The following LY86 variants were observed in gnomAD, a reference collection of about 807,000 sequenced individuals.
LY86 encodes the protein lymphocyte antigen 86.
In LY86, 20 loss-of-function variants were observed where a neutral mutation model predicts 17.3. That is an observed-to-expected ratio of 1.15 (90% CI 0.81 to 1.68). The LOEUF (loss-of-function observed/expected upper bound fraction) is 1.68. LY86 is among the 40% of genes most tolerant of loss of function. LY86 has a pLI of 0.00. For missense variants in LY86, 200 were observed against 191.9 expected, an observed-to-expected ratio of 1.04 and a Z score of -0.25; for synonymous variants, 74 against 70.6, an observed-to-expected ratio of 1.05 and a Z score of -0.24.
intron 1 of LY86, among the ~76,000 whole-genome samples, chr6:6,613,246 A>C (rs916065080): frequency 3.3e-5 from 5 of 152,374 alleles, no homozygotes; most frequent in African/African-American, 1.2e-4. Flanking sequence ...CCGCAGGTGG[A>C]GCTGCCTGCC....
chr6:6,607,257 T>C (rs1038104013), intron 1 of LY86, among the ~76,000 whole-genome samples: 1 of 152,226 alleles, frequency 6.6e-6, no homozygotes, highest in Non-Finnish European at 1.5e-5. Flanking sequence ...AATGTGAATA[T>C]ACTGAAGACT....
Position 6,649,205 on chromosome 6 carries a change from G to A in LY86, c.353-420G>A, listed in dbSNP as rs530061377. Among the ~76,000 whole-genome samples, 18 of 152,282 alleles carry A rather than the reference G, an allele frequency of 1.2e-4. No individual in the cohort carries two copies. In the East Asian group the frequency reaches 3.5e-3, roughly 29 times the overall value. Reference sequence around the variant, plus strand: ...TTTATAAAACCATCAGATCTCATGCGACTTATTCACTATCGTGAGAACATC... The same window carrying A: ...TTTATAAAACCATCAGATCTCATGCAACTTATTCACTATCGTGAGAACATC... On this transcript the variant is annotated intron_variant, in intron 3 of 4. Transcript: ENST00000230568.
intron 1 of LY86, chr6:6,591,612 T>G (rs1356794044): frequency 6.5e-6 from 1 of 153,390 alleles, no homozygotes; most frequent in African/African-American, 2.4e-5. Context: ...TGCAGATGTG[T>G]AAACTGAGGG....
In LY86 at chr6:6,604,144, A is replaced by G. The variant is rs572110237; in HGVS notation, c.136+15274A>G. ...AAATATTAATTATCTCTATGGGGTCATATACCCTCAATTCACATTTCACTG... is the reference window on the plus strand; with the variant it reads ...AAATATTAATTATCTCTATGGGGTCGTATACCCTCAATTCACATTTCACTG... On this transcript the variant is annotated intron_variant, in intron 1 of 4. Transcript: ENST00000230568. 8.5e-5 allele frequency among the ~76,000 whole-genome samples: 13 copies of G among 152,324 alleles called. No individual in the cohort carries two copies. In the East Asian group the frequency reaches 2.5e-3, roughly 29 times the overall value.
chr6:6,594,396 TAAATAC>T (rs1760635890), intron 1 of LY86, among the ~76,000 whole-genome samples: 1 of 152,174 alleles, frequency 6.6e-6, no homozygotes, highest in Admixed American at 6.5e-5. Context: ...TCTGTGTCCA[TAAATAC>T]AGTTTTATTT....
chr6:6,640,438 AGCT>A (rs1296483177), intron 3 of LY86, among the ~76,000 whole-genome samples: 1 of 151,840 alleles, frequency 6.6e-6, no homozygotes, highest in Non-Finnish European at 1.5e-5. Context: ...GGGCAGGGAT[AGCT>A]GGGTGCAGTG....
intron 1 of LY86, among the ~76,000 whole-genome samples, chr6:6,590,926 G>T (rs1002241030): frequency 5.9e-5 from 9 of 151,896 alleles, no homozygotes; most frequent in Non-Finnish European, 1.0e-4. Flanking sequence ...ACATTGAAGT[G>T]CACACACACA....
chr6:6,595,625 C>A (rs1326775669), intron 1 of LY86, among the ~76,000 whole-genome samples: 6 of 151,814 alleles, frequency 4.0e-5, no homozygotes, highest in Non-Finnish European at 7.4e-5. Flanking sequence ...AGAGAAGGAG[C>A]CCTACCACAT....
intron 3 of LY86, among the ~76,000 whole-genome samples, chr6:6,630,262 C>A (rs370229074): frequency 6.6e-6 from 1 of 152,174 alleles, no homozygotes; most frequent in Admixed American, 6.5e-5. Context: ...TAATATCCAG[C>A]GATATTTGGA....
intron 1 of LY86, among the ~76,000 whole-genome samples, chr6:6,605,260 G>A (rs1030807773): frequency 1.4e-5 from 2 of 146,192 alleles, no homozygotes; most frequent in Non-Finnish European, 3.0e-5. Flanking sequence ...AAAACAATAA[G>A]CATTATCACC....
intron 3 of LY86, among the ~76,000 whole-genome samples, chr6:6,635,794 T>A (rs1416027259): frequency 2.6e-5 from 4 of 152,180 alleles, no homozygotes; most frequent in African/African-American, 9.7e-5. Flanking sequence ...CGTGGATGGA[T>A]CTATAGAGCC....
At chr6:6,622,843 T>A (rs1761710720) in intron 1 of LY86, 1 of 152,232 alleles carries the variant, frequency 6.6e-6, no homozygotes, top group African/African-American at 2.4e-5. Context: ...TTCTGGGCAA[T>A]CTTACAAATC....
chr6:6,622,778 T>C (rs1761709112), intron 1 of LY86: 1 of 152,194 alleles, frequency 6.6e-6, no homozygotes, highest in South Asian at 2.1e-4. Context: ...TAAGCTGAAA[T>C]GGAAATCAGT....
chr6:6,608,533 C>A (rs1483904573), intron 1 of LY86, among the ~76,000 whole-genome samples: 4 of 152,176 alleles, frequency 2.6e-5, no homozygotes, highest in African/African-American at 9.7e-5. Context: ...TGTTTACCGG[C>A]CCAGTCCTTT....
At chr6:6,598,043 C>A (rs554001913) in intron 1 of LY86, among the ~76,000 whole-genome samples, 1 of 152,342 alleles carries the variant, frequency 6.6e-6, no homozygotes, top group East Asian at 1.9e-4. Flanking sequence ...AAGGGCCTCT[C>A]TGTGTGCTTT....
intron 1 of LY86, among the ~76,000 whole-genome samples, chr6:6,619,699 G>C (rs1193643291): frequency 1.3e-5 from 2 of 152,204 alleles, no homozygotes; most frequent in Non-Finnish European, 2.9e-5. Flanking sequence ...AGCAATACCA[G>C]CTCTTAGAGT....
At chr6:6,628,033 G>A (rs1581248083) in intron 3 of LY86, among the ~76,000 whole-genome samples, 2 of 148,480 alleles carry the variant, frequency 1.3e-5, no homozygotes, top group East Asian at 3.9e-4. Flanking sequence ...TTTCAAATTG[G>A]GACTTTTTTT....
chr6:6,624,180 G>C (rs959673440), intron 1 of LY86, among the ~76,000 whole-genome samples: 1 of 152,228 alleles, frequency 6.6e-6, no homozygotes, highest in Admixed American at 6.5e-5. Flanking sequence ...ATGAAGGATG[G>C]ATTTGTGATG....
chr6:6,640,802 G>A (rs9392818), intron 3 of LY86, among the ~76,000 whole-genome samples: 39,265 of 151,576 alleles, frequency 0.26, 5,323 homozygotes, highest in Middle Eastern at 0.39. Flanking sequence ...CTAAGGAGAG[G>A]ACCATGAGTG....
Sources: gnomAD v4.1 joint callset for allele counts (sites outside exome capture counted in the v4.1 genomes callset) on GRCh38, gnomAD v4.1.1 for gene constraint, MANE v1.5 for transcripts, NCBI Gene and HGNC (gene_info 2026-07-23, HGNC 2026-07-21) for gene names.